NAV2: variants seen among roughly 807,000 people sequenced by gnomAD.
NAV2 encodes the protein neuron navigator 2.
A neutral mutation model predicts 223.2 loss-of-function variants in NAV2; 54 were observed. The ratio of observed to expected loss-of-function variants is 0.24; its 90% CI spans 0.19 to 0.30. The LOEUF (loss-of-function observed/expected upper bound fraction) is 0.30, where lower values mean the gene tolerates loss of function less well. NAV2 is among the 10% of genes least tolerant of loss of function. NAV2 has a pLI of 1.00. For missense variants in NAV2, 2,806 were observed against 3,147.5 expected (o/e 0.89, Z 2.60); for synonymous variants, 1,279 against 1,239.3 (o/e 1.03, Z -0.67).
At chr11:19,517,061 A>AG (rs1471293044) in intron 1 of NAV2, among the ~76,000 whole-genome samples, 1 of 149,986 alleles carries the variant, frequency 6.7e-6, no homozygotes, top group Non-Finnish European at 1.5e-5. Context: ...AAAAAAAATA[A>AG]TAATACGATG....
At chr11:19,832,338 A>G (rs148958549) in intron 1 of NAV2, 146 bp from the exon 2 acceptor site, 9 of 687,754 alleles carry the variant, frequency 1.3e-5, no homozygotes, top group Non-Finnish European at 1.8e-5. Flanking sequence ...CGTGATCAGC[A>G]CAATGCACTG....
chr11:20,013,755 G>C (rs1329390604), intron 11 of NAV2, among the ~76,000 whole-genome samples: 1 of 152,206 alleles, frequency 6.6e-6, no homozygotes, highest in Admixed American at 6.5e-5. Context: ...GATGGATCAT[G>C]AGTCAAATTC....
Position 19,892,449 on chromosome 11 carries a change from C to T in NAV2, c.786C>T (p.Thr262=), listed in dbSNP as rs376531886. ...AEMQSRLPGP[T]ARVSAAGSEA... ...TGCATTTTAGACTTCCAGGTCCTACCGCGAGGGTATCCGCTGCAGGCAGCG... is the reference window on the plus strand; with the variant it reads ...TGCATTTTAGACTTCCAGGTCCTACTGCGAGGGTATCCGCTGCAGGCAGCG... Residue 262 remains threonine, a synonymous_variant, in exon 6 of 38, where the codon ACC becomes ACT. Coordinates refer to ENST00000349880, the MANE Select transcript of NAV2 (RefSeq NM_145117.5). 1.7e-4 allele frequency: 281 copies of T among 1,613,774 alleles called. No homozygotes were observed. Among genetic ancestry groups the T allele is most frequent in the East Asian group, 6.5e-4 (29 of 44,892 alleles).
At chr11:19,766,828 G>T (rs1294487308) in intron 1 of NAV2, among the ~76,000 whole-genome samples, 1 of 152,168 alleles carries the variant, frequency 6.6e-6, no homozygotes, top group Non-Finnish European at 1.5e-5. Flanking sequence ...TAGTCCAGAG[G>T]CCTCAGGAGA....
At chr11:19,743,647 A>G (rs2053060988) in intron 1 of NAV2, among the ~76,000 whole-genome samples, 1 of 152,266 alleles carries the variant, frequency 6.6e-6, no homozygotes, top group African/African-American at 2.4e-5. Flanking sequence ...GGCCACAAAA[A>G]AGTGCTGGGC....
chr11:19,666,112 C>T (rs1214807182), intron 1 of NAV2, among the ~76,000 whole-genome samples: 1 of 152,200 alleles, frequency 6.6e-6, no homozygotes, highest in Non-Finnish European at 1.5e-5. Flanking sequence ...AGAGGCTAAA[C>T]AGCTATGCAA....
chr11:19,413,577 C>A (rs1850235629), intron 1 of NAV2, among the ~76,000 whole-genome samples: 1 of 152,108 alleles, frequency 6.6e-6, no homozygotes. Context: ...ACAGAGAACA[C>A]CACAAAGATA....
At chr11:19,799,798 C>T (rs538732472) in intron 1 of NAV2, among the ~76,000 whole-genome samples, 2 of 152,216 alleles carry the variant, frequency 1.3e-5, no homozygotes, top group East Asian at 3.9e-4. Flanking sequence ...CCACACCTGC[C>T]CTGTTCTTTC....
Position 19,762,234 on chromosome 11 carries a change from T to C in NAV2, c.267+48272T>C, listed in dbSNP as rs139218781. Reference sequence around the variant, plus strand: ...CTCCAGCCTGGGCAACAGAGTGAGATTCCATCTCAAAACAAACAAACAAAA... The same window carrying C: ...CTCCAGCCTGGGCAACAGAGTGAGACTCCATCTCAAAACAAACAAACAAAA... On this transcript the variant is annotated intron_variant, in intron 1 of 37. Coordinates refer to ENST00000349880, the MANE Select transcript of NAV2 (RefSeq NM_145117.5). Among the ~76,000 whole-genome samples, 680 of 152,226 alleles carry C rather than the reference T, an allele frequency of 4.5e-3. 4 individuals are homozygous for C. The highest frequency in any genetic ancestry group is 0.016 in the African/African-American group (648 of 41,526).
intron 1 of NAV2, among the ~76,000 whole-genome samples, chr11:19,591,447 A>G (rs540078351): frequency 1.3e-5 from 2 of 152,316 alleles, no homozygotes; most frequent in East Asian, 1.9e-4. Flanking sequence ...ACTTAGGAAC[A>G]GTCTTATTTC....
intron 1 of NAV2, among the ~76,000 whole-genome samples, chr11:19,460,816 A>T (rs1419703791): frequency 2.0e-5 from 3 of 152,146 alleles, no homozygotes; most frequent in Non-Finnish European, 4.4e-5. Flanking sequence ...GTTGGAGGGA[A>T]TCCAAGATGA....
At chr11:19,804,577 A>G (rs763768628) in intron 1 of NAV2, among the ~76,000 whole-genome samples, 8 of 152,190 alleles carry the variant, frequency 5.3e-5, no homozygotes, top group South Asian at 2.1e-4. Flanking sequence ...TGACAATGAC[A>G]TAGTGGATAA....
At chr11:19,638,962 C>T (rs1245067237) in intron 1 of NAV2, among the ~76,000 whole-genome samples, 2 of 152,118 alleles carry the variant, frequency 1.3e-5, no homozygotes, top group African/African-American at 4.8e-5. Context: ...CACTGCACTC[C>T]AGCTTGGGTG....
At chr11:19,593,219 A>T (rs2046111664) in intron 1 of NAV2, among the ~76,000 whole-genome samples, 2 of 152,298 alleles carry the variant, frequency 1.3e-5, no homozygotes, top group African/African-American at 4.8e-5. Flanking sequence ...TGTCATTTCA[A>T]CAATGTTATC....
chr11:19,661,019 A>G (rs2048263974), intron 1 of NAV2, among the ~76,000 whole-genome samples: 1 of 152,150 alleles, frequency 6.6e-6, no homozygotes, highest in East Asian at 1.9e-4. Flanking sequence ...TTGTCGTGCA[A>G]CCATCTCTAC....
At chr11:19,897,900 A>ATATATATC (rs1236268293) in intron 6 of NAV2, among the ~76,000 whole-genome samples, 1 of 148,002 alleles carries the variant, frequency 6.8e-6, no homozygotes, top group Non-Finnish European at 1.5e-5. Context: ...ATATATATAT[A>ATATATATC]TATATGTGAG....
At chr11:19,852,351 C>G (rs1209096340) in intron 3 of NAV2, among the ~76,000 whole-genome samples, 1 of 152,196 alleles carries the variant, frequency 6.6e-6, no homozygotes, top group Non-Finnish European at 1.5e-5. Flanking sequence ...GAAGGTGCCT[C>G]TATTGTTAGA....
intron 3 of NAV2, among the ~76,000 whole-genome samples, chr11:19,867,280 TCTG>T (rs2062155223): frequency 2.0e-5 from 3 of 152,186 alleles, no homozygotes; most frequent in Non-Finnish European, 4.4e-5. Context: ...CACCTGGTTG[TCTG>T]CATTTATGTA....
At chr11:19,883,077 A>G (rs1250183973) in intron 5 of NAV2, among the ~76,000 whole-genome samples, 1 of 152,162 alleles carries the variant, frequency 6.6e-6, no homozygotes, top group African/African-American at 2.4e-5. Flanking sequence ...TGGACGCTTG[A>G]TTATTAATGT....
Sources: allele counts gnomAD v4.1 joint callset (sites outside exome capture counted in the v4.1 genomes callset), GRCh38; gene constraint gnomAD v4.1.1; transcripts MANE v1.5; gene names NCBI Gene and HGNC (gene_info 2026-07-23, HGNC 2026-07-21).